Variants in PTPRK observed in about 807,000 individuals in gnomAD.
The protein encoded by PTPRK is receptor-type tyrosine-protein phosphatase kappa.
Under a neutral mutation model 178.0 loss-of-function variants are expected in PTPRK, and 75 were observed. That is an observed-to-expected ratio of 0.42 (90% CI 0.35 to 0.51). PTPRK has a LOEUF of 0.51. PTPRK is among the 20% of genes least tolerant of loss of function. The pLI, the probability that PTPRK is intolerant of heterozygous loss-of-function variation, is 0.02. For missense variants in PTPRK, 1,441 were observed against 1,797.8 expected (o/e 0.80, Z 3.59); for synonymous variants, 637 against 620.6 (o/e 1.03, Z -0.39).
intron 7 of PTPRK, among the ~76,000 whole-genome samples, chr6:128,137,530 T>C (rs1337429762): frequency 1.3e-5 from 2 of 152,138 alleles, no homozygotes; most frequent in Non-Finnish European, 2.9e-5. Context: ...CGACAATCAG[T>C]CTATATTATC....
In PTPRK at chr6:128,437,823, A is replaced by G. The variant is rs1436282894; in HGVS notation, c.101-40135T>C. On this transcript the variant is annotated intron_variant, in intron 1 of 29. Coordinates refer to ENST00000368226, the MANE Select transcript of PTPRK (RefSeq NM_002844.4). ...CAAATGGGCTATGAGGAGTGTGAAT[A>G]TGTGGAATTGAAACAGCTCCCACCT... Among the ~76,000 whole-genome samples, 4 of 151,776 alleles carry G rather than the reference A, an allele frequency of 2.6e-5. No homozygotes were observed. The South Asian group carries it at 8.3e-4, about 31-fold the overall frequency.
At chr6:128,171,999 G>A (rs750433907) in intron 7 of PTPRK, among the ~76,000 whole-genome samples, 26 of 151,902 alleles carry the variant, frequency 1.7e-4, no homozygotes, top group Non-Finnish European at 3.5e-4. Flanking sequence ...TCTGGAGAAT[G>A]TTTTGAAAAT....
At chr6:128,124,889 A>G (rs759713885) in intron 7 of PTPRK, among the ~76,000 whole-genome samples, 1 of 152,192 alleles carries the variant, frequency 6.6e-6, no homozygotes, top group Non-Finnish European at 1.5e-5. Context: ...TCCATGAGTC[A>G]TGAGCCTGCT....
At chr6:128,515,783 A>G (rs942488362) in intron 1 of PTPRK, among the ~76,000 whole-genome samples, 31 of 152,250 alleles carry the variant, frequency 2.0e-4, no homozygotes, top group Admixed American at 2.0e-4. Context: ...CCTGCTCTCA[A>G]TCTTCCAGCA....
At chr6:128,225,425 C>T (rs183045938) in intron 5 of PTPRK, among the ~76,000 whole-genome samples, 145 of 152,206 alleles carry the variant, frequency 9.5e-4, no homozygotes, top group African/African-American at 3.1e-3. Context: ...GTGAGGCTGA[C>T]GTGAAATTTA....
intron 4 of PTPRK, among the ~76,000 whole-genome samples, chr6:128,241,852 G>A (rs1005104270): frequency 6.7e-5 from 10 of 148,522 alleles, no homozygotes; most frequent in African/African-American, 2.0e-4. Context: ...TGCAATCTCA[G>A]CTCAGTGCAA....
At chr6:128,209,209 A>G (rs940142343) in intron 6 of PTPRK, among the ~76,000 whole-genome samples, 1 of 152,108 alleles carries the variant, frequency 6.6e-6, no homozygotes, top group African/African-American at 2.4e-5. Flanking sequence ...GACAGATAAT[A>G]TGTAAGTAAC....
chr6:128,103,679 CT>C (rs1216272288), intron 7 of PTPRK, among the ~76,000 whole-genome samples: 1 of 152,166 alleles, frequency 6.6e-6, no homozygotes. Context: ...TTTTTTCCCC[CT>C]GCATGATGTT....
chr6:128,446,372 C>T (rs778866902), intron 1 of PTPRK, among the ~76,000 whole-genome samples: 4 of 152,326 alleles, frequency 2.6e-5, no homozygotes, highest in Non-Finnish European at 5.9e-5. Flanking sequence ...GTCACTTACT[C>T]CCAGGTCTGT....
At chr6:128,097,664 C>G (rs918165895) in intron 7 of PTPRK, among the ~76,000 whole-genome samples, 2 of 152,086 alleles carry the variant, frequency 1.3e-5, no homozygotes, top group Non-Finnish European at 2.9e-5. Context: ...TAACTACAAT[C>G]AATGAATCCA....
At chr6:128,000,152 G>C in intron 15 of PTPRK, 3 of 986,296 alleles carry the variant, frequency 3.0e-6, no homozygotes, top group Non-Finnish European at 3.6e-6. Flanking sequence ...TAACAGAAGA[G>C]AAAATACACT....
intron 3 of PTPRK, among the ~76,000 whole-genome samples, chr6:128,293,088 C>A (rs1823671855): frequency 6.6e-6 from 1 of 151,942 alleles, no homozygotes; most frequent in Non-Finnish European, 1.5e-5. Context: ...TATTTCACTT[C>A]ATACAATTAT....
At chr6:128,034,696 G>C (rs576650370) in intron 13 of PTPRK, among the ~76,000 whole-genome samples, 1 of 152,136 alleles carries the variant, frequency 6.6e-6, no homozygotes, top group African/African-American at 2.4e-5. Context: ...AGTTGTATGA[G>C]ACAGTTGTTT....
Position 128,089,798 on chromosome 6 carries a change from C to T in PTPRK, c.1357G>A (p.Val453Ile). 3 of 1,613,940 alleles carry T rather than the reference C, an allele frequency of 1.9e-6. No individual in the cohort carries two copies. Among genetic ancestry groups the T allele is most frequent in the Non-Finnish European group, 2.5e-6 (3 of 1,179,822 alleles). ...GTATAAGGTGGCAGATGGTTCACAA[C>T]ATGCTGAGGGGCTTTGGGGTCCATG... The part of the protein sequence containing the change: ...LDMDPKAPQH[V>I]VNHLPPYTNV... The change falls in exon 8 of 30, where the codon GTT becomes ATT. Residue 453 changes from valine to isoleucine, a missense_variant. By Grantham distance (29) the Val-to-Ile change is conservative. Around this residue, in one of 4 missense-constraint regions of PTPRK, gnomAD observed 945 missense variants for 1,080.6 expected, o/e 0.87. Coordinates refer to ENST00000368226, the MANE Select transcript of PTPRK (RefSeq NM_002844.4).
chr6:128,081,014 TAC>T (rs144429592), intron 10 of PTPRK, among the ~76,000 whole-genome samples: 5 of 150,878 alleles, frequency 3.3e-5, no homozygotes, highest in South Asian at 2.1e-4. Flanking sequence ...TTGAGAGACA[TAC>T]ACACACACAC....
chr6:128,455,431 G>A (rs2128408895), intron 1 of PTPRK, among the ~76,000 whole-genome samples: 1 of 152,244 alleles, frequency 6.6e-6, no homozygotes, highest in Admixed American at 6.5e-5. Context: ...GCTACAGTGA[G>A]ATATGCTCAA....
intron 13 of PTPRK, among the ~76,000 whole-genome samples, chr6:128,017,746 A>T: frequency 4.0e-5 from 2 of 49,444 alleles, no homozygotes; most frequent in East Asian, 1.5e-3. Context: ...TATAATATAT[A>T]AATAAATATA....
intron 1 of PTPRK, among the ~76,000 whole-genome samples, chr6:128,493,533 G>GC (rs1156678446): frequency 5.9e-4 from 88 of 149,606 alleles, no homozygotes; most frequent in African/African-American, 7.1e-4. Context: ...CTGCGCTCCA[G>GC]CTGGGTGAAA....
chr6:128,301,731 T>C (rs1825640114), intron 3 of PTPRK, among the ~76,000 whole-genome samples: 1 of 152,188 alleles, frequency 6.6e-6, no homozygotes, highest in South Asian at 2.1e-4. Context: ...TTTTAATTCA[T>C]CTGAATATAC....
Sources: gnomAD v4.1 joint callset for allele counts (sites outside exome capture counted in the v4.1 genomes callset) on GRCh38, gnomAD v4.1.1 for gene constraint, gnomAD v4.1.1 regional missense constraint, MANE v1.5 for transcripts, NCBI Gene and HGNC (gene_info 2026-07-23, HGNC 2026-07-21) for gene names.